The following SPOCK3 variants were observed in gnomAD, a reference collection of about 807,000 sequenced individuals.
The protein encoded by SPOCK3 is testican-3.
Under a neutral mutation model 56.6 loss-of-function variants are expected in SPOCK3, and 30 were observed. That is an observed-to-expected ratio of 0.53 (90% CI 0.40 to 0.72). SPOCK3 has a LOEUF of 0.72. Ranked by LOEUF, SPOCK3 falls within the 30% of genes least tolerant of loss-of-function variation. The pLI, the probability that SPOCK3 is intolerant of heterozygous loss-of-function variation, is 0.00. For synonymous variants in SPOCK3, 196 were observed against 183.3 expected, an observed-to-expected ratio of 1.07 and a Z score of -0.56; for missense variants, 527 against 530.0, an observed-to-expected ratio of 0.99 and a Z score of 0.06.
In SPOCK3 at chr4:167,103,831, C is replaced by T. The variant is rs1759861658; in HGVS notation, c.190-41294G>A. On this transcript the variant is annotated intron_variant, in intron 2 of 10. Transcript: ENST00000357545. The stretch of plus-strand genomic sequence containing the variant: ...TCAATTCTGACCCAGTGCTGTCCCA[C>T]TGGTTGTGGCCACAGGGTTGCTTGT... 2.6e-5 allele frequency among the ~76,000 whole-genome samples: 4 copies of T among 152,304 alleles called. No individual in the cohort carries two copies. In the South Asian group the frequency reaches 8.3e-4, roughly 32 times the overall value.
chr4:167,076,328 G>T (rs28376492), intron 2 of SPOCK3, among the ~76,000 whole-genome samples: 17,491 of 151,790 alleles, frequency 0.12, 1,269 homozygotes, highest in African/African-American at 0.21. Flanking sequence ...AGAAGGTTTA[G>T]CAATTGTAAC....
At chr4:167,102,597 GC>G (rs983676069) in intron 2 of SPOCK3, 32 of 152,206 alleles carry the variant, frequency 2.1e-4, no homozygotes, top group African/African-American at 7.7e-4. Flanking sequence ...GGAACCCAGT[GC>G]TGCTGAACTC....
chr4:166,899,293 T>TCTATCTATCTAA (rs555306781), intron 5 of SPOCK3, among the ~76,000 whole-genome samples: 9,505 of 139,070 alleles, frequency 0.068, 548 homozygotes, highest in East Asian at 0.11. Flanking sequence ...TATCTATCTA[T>TCTATCTATCTAA]CTATCTATGT....
In SPOCK3 at chr4:167,000,457, T is replaced by C. The variant is rs200466103; in HGVS notation, c.242A>G (p.Asp81Gly). Residue 81 changes from aspartate to glycine, a missense_variant, in exon 4 of 11, where the codon GAT (aspartate) becomes GGT (glycine). Asp to Gly is a moderately conservative substitution (Grantham distance 94). Coordinates refer to ENST00000357545, the MANE Select transcript of SPOCK3 (RefSeq NM_001040159.2). ...CTTTAAGCATGGATCCTTAGCTGGATCTAAAGCTAAAAAAATTGCAAAGAA... is the reference window on the plus strand; with the variant it reads ...CTTTAAGCATGGATCCTTAGCTGGACCTAAAGCTAAAAAAATTGCAAAGAA... ...SPGKPFDQAL[D>G]PAKDPCLKMK... is the part of the protein sequence containing the mutation. 2.6e-6 allele frequency: 4 copies of C among 1,548,342 alleles called. No homozygotes were observed. The highest frequency in any genetic ancestry group is 3.8e-5 in the Admixed American group (2 of 52,782).
intron 8 of SPOCK3, among the ~76,000 whole-genome samples, chr4:166,744,508 T>C (rs1333330737): frequency 6.6e-6 from 1 of 151,890 alleles, no homozygotes; most frequent in Non-Finnish European, 1.5e-5. Context: ...CAAAGGTAGA[T>C]AAAACCAGAA....
At chr4:167,228,540 G>A (rs1314099402) in intron 2 of SPOCK3, among the ~76,000 whole-genome samples, 1 of 152,150 alleles carries the variant, frequency 6.6e-6, no homozygotes, top group African/African-American at 2.4e-5. Context: ...AAGCAGATCA[G>A]TGGACATTCT....
chr4:166,944,624 G>T (rs1264821752), intron 4 of SPOCK3, among the ~76,000 whole-genome samples: 1 of 151,932 alleles, frequency 6.6e-6, no homozygotes, highest in Non-Finnish European at 1.5e-5. Context: ...TTCTCAGTTT[G>T]GGTTTATCTG....
chr4:166,844,655 G>A (rs1747863914), intron 6 of SPOCK3, among the ~76,000 whole-genome samples: 1 of 151,436 alleles, frequency 6.6e-6, no homozygotes, highest in Non-Finnish European at 1.5e-5. Flanking sequence ...TCTCTTTCTT[G>A]ATATATGTAT....
intron 3 of SPOCK3, among the ~76,000 whole-genome samples, chr4:167,030,709 G>A (rs1179321834): frequency 6.6e-6 from 1 of 152,036 alleles, no homozygotes; most frequent in Non-Finnish European, 1.5e-5. Flanking sequence ...TCCCCAATAA[G>A]AGACTCTACC....
At chr4:166,737,386 A>C in intron 10 of SPOCK3, 81 bp downstream of exon 10, 1 of 1,429,398 alleles carries the variant, frequency 7.0e-7, no homozygotes, top group Non-Finnish European at 9.6e-7. Context: ...TCCTCATTAA[A>C]TGCTTGAACA....
chr4:167,130,063 T>C (rs1233798759), intron 2 of SPOCK3, among the ~76,000 whole-genome samples: 1 of 152,188 alleles, frequency 6.6e-6, no homozygotes, highest in East Asian at 1.9e-4. Flanking sequence ...TCACCCAGGC[T>C]GGAGTGCAGT....
intron 2 of SPOCK3, among the ~76,000 whole-genome samples, chr4:167,131,496 G>A (rs1407027387): frequency 1.3e-5 from 2 of 152,108 alleles, no homozygotes; most frequent in African/African-American, 4.8e-5. Context: ...CCAGCTACTT[G>A]GGAGGCTGAG....
chr4:166,915,151 A>T (rs1737706615), intron 4 of SPOCK3, among the ~76,000 whole-genome samples: 1 of 152,060 alleles, frequency 6.6e-6, no homozygotes, highest in African/African-American at 2.4e-5. Context: ...GTCCACCTAT[A>T]TGTAATATCA....
intron 2 of SPOCK3, among the ~76,000 whole-genome samples, chr4:167,151,957 C>T (rs569846181): frequency 6.6e-6 from 1 of 152,226 alleles, no homozygotes; most frequent in African/African-American, 2.4e-5. Flanking sequence ...CAGTACTAGA[C>T]AGTAGAGACG....
At chr4:166,914,017 T>G (rs1278241042) in intron 4 of SPOCK3, among the ~76,000 whole-genome samples, 1 of 152,058 alleles carries the variant, frequency 6.6e-6, no homozygotes, top group Non-Finnish European at 1.5e-5. Flanking sequence ...TGGGCTATTC[T>G]GTAACACTTC....
chr4:166,935,139 T>G (rs1740257026), intron 4 of SPOCK3, among the ~76,000 whole-genome samples: 1 of 152,082 alleles, frequency 6.6e-6, no homozygotes, highest in African/African-American at 2.4e-5. Context: ...AGGGAGTCAA[T>G]CCACCATGGG....
At chr4:166,754,054 G>A (rs1004442900) in intron 8 of SPOCK3, 1 of 926,408 alleles carries the variant, frequency 1.1e-6, no homozygotes, top group Non-Finnish European at 1.3e-6. Context: ...AAAATCACAT[G>A]AGTAAAAATA....
At chr4:166,925,814 T>C (rs1739030500) in intron 4 of SPOCK3, among the ~76,000 whole-genome samples, 1 of 152,156 alleles carries the variant, frequency 6.6e-6, no homozygotes, top group Non-Finnish European at 1.5e-5. Context: ...ATGCTGTGCT[T>C]GTGAATTTCC....
At chr4:166,933,292 G>A (rs1303831557) in intron 4 of SPOCK3, among the ~76,000 whole-genome samples, 3 of 151,954 alleles carry the variant, frequency 2.0e-5, no homozygotes, top group East Asian at 1.9e-4. Context: ...AACTTTTAAC[G>A]GCTTCCTTTT....
Sources: allele counts gnomAD v4.1 joint callset (sites outside exome capture counted in the v4.1 genomes callset), GRCh38; gene constraint gnomAD v4.1.1; transcripts MANE v1.5; gene names NCBI Gene and HGNC (gene_info 2026-07-23, HGNC 2026-07-21).